Variants in MRAP2 observed in about 807,000 individuals in gnomAD.
MRAP2 encodes melanocortin 2 receptor accessory protein 2.
A neutral mutation model predicts 17.4 loss-of-function variants in MRAP2; 20 were observed. That is an observed-to-expected ratio of 1.15 (90% confidence interval 0.81 to 1.67). MRAP2 has a LOEUF of 1.67. Among genes scored for constraint, MRAP2 ranks in the 40% most tolerant of loss-of-function variants. The pLI is 0.00. For synonymous variants in MRAP2, 96 were observed against 88.4 expected (o/e 1.09, Z -0.48); for missense variants, 238 against 240.0 (o/e 0.99, Z 0.05).
chr6:84,064,729 C>T (rs999792841), intron 3 of MRAP2, among the ~76,000 whole-genome samples: 7 of 152,094 alleles, frequency 4.6e-5, no homozygotes, highest in African/African-American at 9.7e-5. Context: ...CTTCGTGATC[C>T]GCCCGCCTTG....
At chr6:84,110,119 T>G in the MRAP2 span, among the ~76,000 whole-genome samples, 6 of 152,222 alleles carry the variant, frequency 3.9e-5, no homozygotes, top group Non-Finnish European at 8.8e-5. Flanking sequence ...ATATACCCAG[T>G]AATGGGATTG....
intron 2 of MRAP2, among the ~76,000 whole-genome samples, chr6:84,059,850 T>A (rs955639275): frequency 1.3e-5 from 2 of 152,196 alleles, no homozygotes; most frequent in African/African-American, 4.8e-5. Context: ...TTATTCTGAC[T>A]TCTTCCCAGA....
At chr6:84,071,732 A>C (rs1019952101) in intron 3 of MRAP2, among the ~76,000 whole-genome samples, 2 of 152,110 alleles carry the variant, frequency 1.3e-5, no homozygotes. Flanking sequence ...CTTAGGTTTC[A>C]TTGTTTAACA....
intron 1 of MRAP2, among the ~76,000 whole-genome samples, chr6:84,053,621 A>C (rs2129163828): frequency 6.6e-6 from 1 of 152,308 alleles, no homozygotes; most frequent in South Asian, 2.1e-4. Flanking sequence ...GAACAAAGCG[A>C]GGCTTTTCTA....
chr6:84,050,274 GA>G (rs1222542921), intron 1 of MRAP2, among the ~76,000 whole-genome samples: 2 of 152,172 alleles, frequency 1.3e-5, no homozygotes, highest in Non-Finnish European at 2.9e-5. Flanking sequence ...ATAAAAAGCA[GA>G]AGTAAACTTG....
chr6:84,120,527 T>A, the MRAP2 span, among the ~76,000 whole-genome samples: 1 of 152,206 alleles, frequency 6.6e-6, no homozygotes, highest in South Asian at 2.1e-4. Flanking sequence ...GCTCCTGGGT[T>A]TTTAGTTGTA....
At chr6:84,054,865 T>C (rs111443656) in intron 1 of MRAP2, among the ~76,000 whole-genome samples, 323 of 152,230 alleles carry the variant, frequency 2.1e-3, no homozygotes, top group Non-Finnish European at 3.7e-3. Context: ...GGAACATAAA[T>C]CAATGTCAAT....
At chr6:84,137,035 A>C in the MRAP2 span, among the ~76,000 whole-genome samples, 2 of 152,354 alleles carry the variant, frequency 1.3e-5, no homozygotes, top group Non-Finnish European at 2.9e-5. Flanking sequence ...TGCAAGGATT[A>C]GTATAAGAGA....
chr6:84,054,781 C>T (rs1320497239), intron 1 of MRAP2, among the ~76,000 whole-genome samples: 1 of 152,132 alleles, frequency 6.6e-6, no homozygotes, highest in Non-Finnish European at 1.5e-5. Flanking sequence ...CACACATAGG[C>T]TGATTGCTTG....
chr6:84,133,933 A>G, the MRAP2 span, among the ~76,000 whole-genome samples: 2 of 152,096 alleles, frequency 1.3e-5, no homozygotes, highest in African/African-American at 4.8e-5. Flanking sequence ...CACCCATCTT[A>G]TGAGTCGCTC....
intron 3 of MRAP2, among the ~76,000 whole-genome samples, chr6:84,074,900 G>A (rs1458287302): frequency 2.0e-5 from 3 of 152,134 alleles, no homozygotes; most frequent in Non-Finnish European, 4.4e-5. Context: ...TTTTTGACCT[G>A]GGATCATGCT....
At chr6:84,074,897 C>T (rs2129171777) in intron 3 of MRAP2, among the ~76,000 whole-genome samples, 1 of 152,208 alleles carries the variant, frequency 6.6e-6, no homozygotes, top group Admixed American at 6.5e-5. Flanking sequence ...AATTTTTTGA[C>T]CTGGGATCAT....
chr6:84,105,230 A>G, the MRAP2 span, among the ~76,000 whole-genome samples: 1 of 152,156 alleles, frequency 6.6e-6, no homozygotes, highest in South Asian at 2.1e-4. Context: ...GCCCCACTCT[A>G]TAGGTACTAA....
At chr6:84,069,788 C>T (rs1429170607) in intron 3 of MRAP2, among the ~76,000 whole-genome samples, 1 of 152,010 alleles carries the variant, frequency 6.6e-6, no homozygotes, top group African/African-American at 2.4e-5. Flanking sequence ...TTGGTCTGTT[C>T]AGGATATCTA....
chr6:84,036,357 T>C (rs895417880), intron 1 of MRAP2, among the ~76,000 whole-genome samples: 5 of 152,174 alleles, frequency 3.3e-5, no homozygotes, highest in African/African-American at 9.7e-5. Context: ...ATCCCAAAGC[T>C]AGTGATGGTG....
the MRAP2 span, among the ~76,000 whole-genome samples, chr6:84,114,545 T>C: frequency 6.6e-6 from 1 of 152,118 alleles, no homozygotes; most frequent in Non-Finnish European, 1.5e-5. Flanking sequence ...CAGAGGAGTT[T>C]GTTATTACCC....
the MRAP2 span, among the ~76,000 whole-genome samples, chr6:84,110,728 T>C: frequency 6.6e-6 from 1 of 152,194 alleles, no homozygotes; most frequent in Non-Finnish European, 1.5e-5. Flanking sequence ...GCTTTTATGG[T>C]TTTAGGTCTT....
chr6:84,073,568 C>T (rs1471188768), intron 3 of MRAP2, among the ~76,000 whole-genome samples: 1 of 152,188 alleles, frequency 6.6e-6, no homozygotes, highest in Non-Finnish European at 1.5e-5. Flanking sequence ...CTCTGTCCAT[C>T]CAAGTTGGAG....
the MRAP2 span, among the ~76,000 whole-genome samples, chr6:84,131,530 C>G: frequency 0.089 from 13,568 of 152,214 alleles, 732 homozygotes; most frequent in Middle Eastern, 0.17. Context: ...CTGGGTGCTC[C>G]TGCATTGGGT....
Sources: gnomAD v4.1 joint callset for allele counts (sites outside exome capture counted in the v4.1 genomes callset) on GRCh38, gnomAD v4.1.1 for gene constraint, MANE v1.5 for transcripts, NCBI Gene and HGNC (gene_info 2026-07-23, HGNC 2026-07-21) for gene names.